KCNQ4: variants seen among roughly 807,000 people sequenced by gnomAD.
KCNQ4 encodes the protein potassium voltage-gated channel subfamily Q member 4.
KCNQ4 carries 31 observed loss-of-function variants against 72.6 expected under a neutral mutation model. The ratio of observed to expected loss-of-function variants is 0.43; its 90% CI spans 0.32 to 0.58. The LOEUF (loss-of-function observed/expected upper bound fraction) is 0.58. Among genes scored for constraint, KCNQ4 ranks in the 20% least tolerant of loss-of-function variants. The pLI is 0.08. For synonymous variants in KCNQ4, 405 were observed against 403.7 expected, an observed-to-expected ratio of 1.00 and a Z score of -0.04; for missense variants, 869 against 962.6, an observed-to-expected ratio of 0.90 and a Z score of 1.29.
intron 12 of KCNQ4, among the ~76,000 whole-genome samples, chr1:40,837,173 G>A (rs1009934042): frequency 2.0e-5 from 3 of 150,662 alleles, no homozygotes; most frequent in African/African-American, 7.4e-5. Context: ...CTGCAGCCTC[G>A]ACCTCTCCGG....
intron 10 of KCNQ4, among the ~76,000 whole-genome samples, chr1:40,831,739 G>T (rs963377): frequency 0.54 from 82,427 of 152,062 alleles, 22,540 homozygotes; most frequent in Admixed American, 0.61. Context: ...GGGAATATAG[G>T]AGGTGCTCAA....
chr1:40,819,586 T>G, intron 5 of KCNQ4, 114 bp downstream of exon 5: 1 of 1,418,140 alleles, frequency 7.1e-7, no homozygotes, highest in Non-Finnish European at 9.8e-7. Flanking sequence ...GCCCCTGCCC[T>G]CTCACTAGAG....
chr1:40,833,139 C>T (rs750106813), intron 11 of KCNQ4, 26 bp downstream of exon 11: 6 of 1,554,524 alleles, frequency 3.9e-6, no homozygotes, highest in Admixed American at 1.7e-5. Flanking sequence ...GAGGCGAGCA[C>T]CCCCCTCCGT....
At chr1:40,818,430 A>G in intron 3 of KCNQ4, 75 bp from the exon 4 acceptor site, 2 of 1,502,078 alleles carry the variant, frequency 1.3e-6, no homozygotes, top group South Asian at 2.3e-5. Flanking sequence ...CCCCTGCCAC[A>G]TCCCCAGAAG....
intron 1 of KCNQ4, among the ~76,000 whole-genome samples, chr1:40,786,926 T>C (rs976918238): frequency 6.6e-6 from 1 of 152,114 alleles, no homozygotes; most frequent in South Asian, 2.1e-4. Flanking sequence ...CTTCCTGCTG[T>C]TGGACTCCTA....
At chr1:40,824,359 G>A in intron 9 of KCNQ4, 101 bp downstream of exon 9, 1 of 1,326,742 alleles carries the variant, frequency 7.5e-7, no homozygotes, top group Non-Finnish European at 1.0e-6. Flanking sequence ...CACTTCGTGG[G>A]TGTCTGGGCC....
At chr1:40,793,575 A>C (rs1025701587) in intron 1 of KCNQ4, among the ~76,000 whole-genome samples, 22 of 151,846 alleles carry the variant, frequency 1.4e-4, no homozygotes, top group Non-Finnish European at 2.9e-4. Flanking sequence ...CAAACTCAGC[A>C]TCTCCCTCCA....
chr1:40,786,691 G>A (rs942991465), intron 1 of KCNQ4, among the ~76,000 whole-genome samples: 4 of 152,198 alleles, frequency 2.6e-5, no homozygotes, highest in African/African-American at 4.8e-5. Flanking sequence ...CTTTAGGTCT[G>A]TAGGTTGTCA....
chr1:40,801,334 C>T (rs1647569189), intron 1 of KCNQ4, among the ~76,000 whole-genome samples: 1 of 152,214 alleles, frequency 6.6e-6, no homozygotes, highest in African/African-American at 2.4e-5. Flanking sequence ...TGCTATTCCA[C>T]TGCCCTAGGT....
chr1:40,820,063 A>G, intron 6 of KCNQ4, 78 bp downstream of exon 6: 1 of 1,527,030 alleles, frequency 6.5e-7, no homozygotes, highest in South Asian at 1.1e-5. Context: ...TTGCCTGGGG[A>G]GCCTGGGGTA....
In KCNQ4 at chr1:40,817,198, G is replaced by A; in HGVS notation, c.315-67G>A. On this transcript the variant is annotated intron_variant, in intron 1 of 13. Coordinates refer to ENST00000347132, the MANE Select transcript of KCNQ4 (RefSeq NM_004700.4). The surrounding 1 kb of genome is among the most constrained non-coding windows in gnomAD (Gnocchi z 5.5). ...TCCTCTCTTGGCTCTGTAACCCCCT[G>A]CCAGGGGCACCTTGGCTGTCCTGTC... The A allele has an allele frequency of 7.6e-7, 1 of 1,322,796 alleles. No individual in the cohort carries two copies. The allele number at this position is 1,322,796 out of a possible 1,614,324, so 81.9% of individuals were successfully genotyped here.
intron 1 of KCNQ4, among the ~76,000 whole-genome samples, chr1:40,811,290 G>C (rs1383898989): frequency 6.6e-6 from 1 of 152,220 alleles, no homozygotes; most frequent in Non-Finnish European, 1.5e-5. Flanking sequence ...ACAGTGACTT[G>C]AGGAGGTATA....
intron 1 of KCNQ4, among the ~76,000 whole-genome samples, chr1:40,790,541 A>G (rs76356035): frequency 0.14 from 20,913 of 152,056 alleles, 1,611 homozygotes; most frequent in African/African-American, 0.21. Flanking sequence ...TCTGACTTAC[A>G]TTCTCTCGTG....
At chr1:40,802,048 A>G (rs1391466793) in intron 1 of KCNQ4, among the ~76,000 whole-genome samples, 1 of 152,070 alleles carries the variant, frequency 6.6e-6, no homozygotes, top group Non-Finnish European at 1.5e-5. Flanking sequence ...CAATATTATC[A>G]TCATTACCCA....
chr1:40,810,067 A>AAG (rs1647881859), intron 1 of KCNQ4, among the ~76,000 whole-genome samples: 1 of 151,142 alleles, frequency 6.6e-6, no homozygotes, highest in East Asian at 1.9e-4. Context: ...CTCAAAAAAA[A>AAG]AAAGAACTCT....
intron 11 of KCNQ4, among the ~76,000 whole-genome samples, chr1:40,833,945 G>A (rs1648735489): frequency 6.6e-6 from 1 of 152,022 alleles, no homozygotes; most frequent in East Asian, 1.9e-4. Flanking sequence ...GGAGTTTGAG[G>A]CTGTAGTGAG....
intron 9 of KCNQ4, among the ~76,000 whole-genome samples, chr1:40,825,234 T>G (rs1372692783): frequency 6.6e-6 from 1 of 152,116 alleles, no homozygotes; most frequent in Non-Finnish European, 1.5e-5. Context: ...CCTTTGAGCT[T>G]CAATGTCATT....
intron 1 of KCNQ4, chr1:40,805,013 T>G (rs1235109269): frequency 1.3e-5 from 2 of 152,042 alleles, no homozygotes; most frequent in Non-Finnish European, 2.9e-5. Context: ...TCAAGTTGCC[T>G]AGGGAGGGGT....
chr1:40,832,877 C>CG (rs397802209), intron 10 of KCNQ4, 137 bp from the exon 11 acceptor site: 1 of 711,664 alleles, frequency 1.4e-6, no homozygotes, highest in Non-Finnish European at 2.5e-6. Flanking sequence ...CACAGGAGCC[C>CG]CAAGAAGGTT....
Sources: allele counts gnomAD v4.1 joint callset (sites outside exome capture counted in the v4.1 genomes callset), GRCh38; gene constraint gnomAD v4.1.1; non-coding constraint Gnocchi (gnomAD v3.1); transcripts MANE v1.5; gene names NCBI Gene and HGNC (gene_info 2026-07-23, HGNC 2026-07-21).